The following GABRB1 variants were observed in gnomAD, a reference collection of about 807,000 sequenced individuals.
GABRB1 encodes the protein gamma-aminobutyric acid type A receptor subunit beta1.
In GABRB1, 17 loss-of-function variants were observed where a neutral mutation model predicts 51.6. That is an observed-to-expected ratio of 0.33 (90% CI 0.23 to 0.49). GABRB1 has a LOEUF of 0.49. Ranked by LOEUF, GABRB1 falls within the 20% of genes least tolerant of loss-of-function variation. GABRB1 has a pLI of 0.99. For synonymous variants in GABRB1, 247 were observed against 218.9 expected, an observed-to-expected ratio of 1.13 and a Z score of -1.14; for missense variants, 410 against 600.6, an observed-to-expected ratio of 0.68 and a Z score of 3.32.
intron 1 of GABRB1, among the ~76,000 whole-genome samples, chr4:47,024,468 T>G (rs1055010437): frequency 6.6e-6 from 1 of 152,028 alleles, no homozygotes; most frequent in African/African-American, 2.4e-5. Context: ...TTTATTCAGC[T>G]TTAGTATGTA....
chr4:47,133,181 C>T (rs924486408), intron 3 of GABRB1, among the ~76,000 whole-genome samples: 8 of 152,264 alleles, frequency 5.3e-5, no homozygotes, highest in African/African-American at 1.9e-4. Flanking sequence ...TCTCTAGCAC[C>T]TTGAGCACAG....
At chr4:47,011,425 G>A (rs1724578881) in intron 1 of GABRB1, among the ~76,000 whole-genome samples, 1 of 152,086 alleles carries the variant, frequency 6.6e-6, no homozygotes. Context: ...CTTCTACCTT[G>A]GGTACTGCTT....
At chr4:47,172,802 C>T (rs1718499807) in intron 4 of GABRB1, among the ~76,000 whole-genome samples, 1 of 151,976 alleles carries the variant, frequency 6.6e-6, no homozygotes, top group African/African-American at 2.4e-5. Context: ...CCACCATGCT[C>T]AGCTAATTTT....
At chr4:47,350,302 G>A (rs1331553046) in intron 5 of GABRB1, among the ~76,000 whole-genome samples, 2 of 147,126 alleles carry the variant, frequency 1.4e-5, no homozygotes, top group African/African-American at 5.0e-5. Context: ...GAGAGAGAGA[G>A]CTGGCTTTTC....
At chr4:47,410,171 A>T (rs954649567) in intron 8 of GABRB1, among the ~76,000 whole-genome samples, 9 of 152,242 alleles carry the variant, frequency 5.9e-5, no homozygotes, top group South Asian at 4.1e-4. Context: ...AGATTTTTTT[A>T]AAATATGTTT....
intron 4 of GABRB1, among the ~76,000 whole-genome samples, chr4:47,297,872 C>A (rs1210118079): frequency 6.6e-6 from 1 of 152,172 alleles, no homozygotes; most frequent in African/African-American, 2.4e-5. Flanking sequence ...TCCAGCAGCA[C>A]ATCAAAAAGC....
intron 4 of GABRB1, among the ~76,000 whole-genome samples, chr4:47,301,201 A>T (rs1011438716): frequency 6.6e-6 from 1 of 152,182 alleles, no homozygotes; most frequent in Admixed American, 6.6e-5. Flanking sequence ...TCCTAATGAG[A>T]TACACTACTC....
At chr4:47,019,633 T>C (rs146491029) in intron 1 of GABRB1, among the ~76,000 whole-genome samples, 452 of 43,672 alleles carry the variant, frequency 0.01, 7 homozygotes, top group African/African-American at 0.019. Flanking sequence ...CTCTCTTTCT[T>C]TCTTTCTTTC....
intron 4 of GABRB1, among the ~76,000 whole-genome samples, chr4:47,284,512 C>G (rs1723433041): frequency 6.6e-6 from 1 of 152,162 alleles, no homozygotes; most frequent in Non-Finnish European, 1.5e-5. Context: ...AGAATATGTC[C>G]ATTTTATTTC....
chr4:47,312,708 A>G (rs1183012408), intron 4 of GABRB1, among the ~76,000 whole-genome samples: 2 of 152,232 alleles, frequency 1.3e-5, no homozygotes, highest in Non-Finnish European at 2.9e-5. Flanking sequence ...TATGTTATAC[A>G]GAGATGGGGT....
chr4:47,035,754 T>C (rs1725525795), intron 3 of GABRB1, among the ~76,000 whole-genome samples: 1 of 152,152 alleles, frequency 6.6e-6, no homozygotes, highest in African/African-American at 2.4e-5. Flanking sequence ...ACATAACCAC[T>C]AACATCTGCT....
intron 4 of GABRB1, among the ~76,000 whole-genome samples, chr4:47,216,443 G>A (rs1001093007): frequency 6.6e-5 from 10 of 151,898 alleles, no homozygotes; most frequent in African/African-American, 2.2e-4. Flanking sequence ...TAACCTTAGC[G>A]ATATTTCTGA....
rs139456495 is a variant in GABRB1, at chr4:47,021,156, C to T, written c.-19-10758C>T. Among the ~76,000 whole-genome samples the T allele has an allele frequency of 1.8e-3, 281 of 152,254 alleles. 1 individual carries two copies. Among genetic ancestry groups the T allele is most frequent in the African/African-American group, 6.4e-3 (264 of 41,566 alleles). ...CATGACCTGATTTAATTTTTCTCTC[C>T]TATCACTATCTAAACGTATCATATA... is the stretch of plus-strand genomic sequence containing the variant. On this transcript the variant is annotated intron_variant, in intron 1 of 3. Transcript: ENST00000513567.
intron 1 of GABRB1, among the ~76,000 whole-genome samples, chr4:46,995,157 G>A (rs1723948246): frequency 1.3e-5 from 2 of 152,122 alleles, no homozygotes; most frequent in African/African-American, 2.4e-5. Context: ...ATGGCACATA[G>A]AATGTCAATA....
chr4:47,037,789 T>C (rs1022834606), intron 3 of GABRB1, among the ~76,000 whole-genome samples: 23 of 152,140 alleles, frequency 1.5e-4, no homozygotes, highest in African/African-American at 5.6e-4. Context: ...GCTATACAAT[T>C]CTTACCCCTC....
chr4:47,237,426 A>G (rs1471132641), intron 4 of GABRB1, among the ~76,000 whole-genome samples: 3 of 152,078 alleles, frequency 2.0e-5, no homozygotes, highest in Non-Finnish European at 4.4e-5. Flanking sequence ...GACTACCACA[A>G]TGAAAAATGA....
chr4:46,994,602 C>G (rs1433985150), intron 1 of GABRB1, among the ~76,000 whole-genome samples: 1 of 151,584 alleles, frequency 6.6e-6, no homozygotes, highest in Non-Finnish European at 1.5e-5. Context: ...ATATTAGTTC[C>G]CTTGTGACAT....
At chr4:47,262,563 T>C (rs7670490) in intron 4 of GABRB1, among the ~76,000 whole-genome samples, 28,954 of 151,884 alleles carry the variant, frequency 0.19, 2,835 homozygotes, top group East Asian at 0.25. Flanking sequence ...GGAGAGGATG[T>C]GGAGAAATAG....
chr4:47,101,963 A>G (rs758629433), intron 3 of GABRB1, among the ~76,000 whole-genome samples: 10 of 152,026 alleles, frequency 6.6e-5, no homozygotes, highest in Non-Finnish European at 1.3e-4. Flanking sequence ...GTATATTTCT[A>G]GAAAGGAAGA....
Sources: gnomAD v4.1 joint callset for allele counts (sites outside exome capture counted in the v4.1 genomes callset) on GRCh38, gnomAD v4.1.1 for gene constraint, MANE v1.5 for transcripts, NCBI Gene and HGNC (gene_info 2026-07-23, HGNC 2026-07-21) for gene names.